The following UBQLN1 variants were observed in gnomAD, a reference collection of about 807,000 sequenced individuals.
UBQLN1 encodes the protein ubiquilin 1.
In UBQLN1, 13 loss-of-function variants were observed where a neutral mutation model predicts 65.4. The ratio of observed to expected loss-of-function variants is 0.20; its 90% CI spans 0.13 to 0.32. The LOEUF (loss-of-function observed/expected upper bound fraction) is 0.32, where lower values mean the gene tolerates loss of function less well. Among genes scored for constraint, UBQLN1 ranks in the 10% least tolerant of loss-of-function variants. The pLI is 1.00. For missense variants in UBQLN1, 561 were observed against 724.0 expected (o/e 0.77, Z 2.58); for synonymous variants, 267 against 247.8 (o/e 1.08, Z -0.73).
chr9:83,672,974 G>C (rs1564162144), intron 6 of UBQLN1, among the ~76,000 whole-genome samples: 1 of 152,364 alleles, frequency 6.6e-6, no homozygotes, highest in East Asian at 1.9e-4. Context: ...GTTCACACCT[G>C]TAATTCCAGC....
At chr9:83,683,154 T>C (rs749250206) in intron 2 of UBQLN1, 88 bp from the exon 3 acceptor site, 2 of 864,736 alleles carry the variant, frequency 2.3e-6, no homozygotes, top group Non-Finnish European at 3.6e-6. Context: ...GGCTCACGCC[T>C]GTAATCCCAG....
At chr9:83,701,496 A>T (rs530115678) in intron 1 of UBQLN1, among the ~76,000 whole-genome samples, 4 of 152,334 alleles carry the variant, frequency 2.6e-5, no homozygotes, top group South Asian at 2.1e-4. Context: ...GGACTCCCCA[A>T]ACCACAGTGA....
At chr9:83,697,733 C>CTTTTTTT (rs35319221) in intron 1 of UBQLN1, among the ~76,000 whole-genome samples, 5 of 98,352 alleles carry the variant, frequency 5.1e-5, no homozygotes, top group African/African-American at 1.3e-4. Context: ...TTTTTGTACC[C>CTTTTTTT]TTTTTTTTTT....
rs1216989570 is a variant in UBQLN1, at chr9:83,678,622, A to C, written c.712-23T>G. 1.9e-6 allele frequency: 3 copies of C among 1,584,430 alleles called. No homozygotes were observed. The African/African-American group carries it at 4.1e-5, about 22-fold the overall frequency. On this transcript the variant is annotated intron_variant, in intron 4 of 10. Coordinates refer to ENST00000376395, the MANE Select transcript of UBQLN1 (RefSeq NM_013438.5). Reference sequence around the variant, plus strand: ...CGTCTACGAAAAATATTTCCAAAAAAAGAAAAAAAAAAGGCATTGAAATAC... The same window carrying C: ...CGTCTACGAAAAATATTTCCAAAAACAGAAAAAAAAAAGGCATTGAAATAC...
At chr9:83,676,427 A>C (rs1482728906) in intron 6 of UBQLN1, among the ~76,000 whole-genome samples, 1 of 152,236 alleles carries the variant, frequency 6.6e-6, no homozygotes, top group East Asian at 1.9e-4. Context: ...CCAGTCAGGA[A>C]ATATGATTAA....
rs1320977702 is a variant in UBQLN1 at position 83,707,936 on chromosome 9, G to C, written c.-257C>G. The C allele has an allele frequency of 2.0e-6, 1 of 507,238 alleles. No homozygotes were observed. The highest frequency in any genetic ancestry group is 3.4e-6 in the Non-Finnish European group (1 of 294,976). 31.4% of individuals were successfully genotyped at this position (507,238 alleles called of 1,614,324 possible). A position where few individuals can be genotyped will look rare whatever the true frequency, so the allele number is the denominator to read the frequency against. On this transcript the variant is annotated 5_prime_UTR_variant, in exon 1 of 11. Coordinates refer to ENST00000376395, the MANE Select transcript of UBQLN1 (RefSeq NM_013438.5). ...CCGCTCGCTCACACCGACATCCGCA[G>C]CAGCCACCGCTTCCTCCTCCCTGCC...
chr9:83,678,667 C>T, intron 4 of UBQLN1, 68 bp from the exon 5 acceptor site: 1 of 1,461,972 alleles, frequency 6.8e-7, no homozygotes, highest in Non-Finnish European at 9.3e-7. Flanking sequence ...ACATTAATTA[C>T]TTTATTAACT....
At chr9:83,697,693 C>T (rs1028104631) in intron 1 of UBQLN1, among the ~76,000 whole-genome samples, 1 of 150,042 alleles carries the variant, frequency 6.7e-6, no homozygotes, top group African/African-American at 2.4e-5. Flanking sequence ...GTAGCTGGGA[C>T]TACAGGCATG....
chr9:83,688,314 G>A (rs1832072338), intron 1 of UBQLN1, among the ~76,000 whole-genome samples: 2 of 152,074 alleles, frequency 1.3e-5, no homozygotes, highest in Admixed American at 1.3e-4. Flanking sequence ...CCCTCACACT[G>A]ATACAGCTAA....
At chr9:83,673,482 T>C (rs1831769373) in intron 6 of UBQLN1, among the ~76,000 whole-genome samples, 2 of 145,322 alleles carry the variant, frequency 1.4e-5, no homozygotes, top group South Asian at 2.2e-4. Flanking sequence ...GAGGCAGAGG[T>C]TGCAGTGAGC....
chr9:83,702,141 G>C (rs1832319904), intron 1 of UBQLN1, among the ~76,000 whole-genome samples: 1 of 152,190 alleles, frequency 6.6e-6, no homozygotes, highest in Admixed American at 6.5e-5. Flanking sequence ...AGTTGCCTAA[G>C]GCTGGGGGGC....
intron 10 of UBQLN1, among the ~76,000 whole-genome samples, chr9:83,662,211 A>AT (rs944823402): frequency 2.0e-5 from 3 of 151,592 alleles, no homozygotes; most frequent in Admixed American, 2.0e-4. Flanking sequence ...ATCAACCATT[A>AT]TTTTAGAGGA....
chr9:83,705,726 AGATT>A (rs1832392227), intron 1 of UBQLN1, among the ~76,000 whole-genome samples: 1 of 152,242 alleles, frequency 6.6e-6, no homozygotes, highest in African/African-American at 2.4e-5. Context: ...AACAGTGAAT[AGATT>A]AATTATGGTA....
intron 1 of UBQLN1, among the ~76,000 whole-genome samples, chr9:83,699,227 A>G (rs1298539321): frequency 2.0e-5 from 3 of 152,230 alleles, no homozygotes; most frequent in Non-Finnish European, 4.4e-5. Context: ...GTGAACCCTT[A>G]AAAATGGTTA....
chr9:83,695,260 G>A (rs974119172), intron 1 of UBQLN1, among the ~76,000 whole-genome samples: 3 of 149,080 alleles, frequency 2.0e-5, no homozygotes, highest in East Asian at 2.0e-4. Flanking sequence ...GTACAGTGGC[G>A]CCATCTTGGC....
chr9:83,693,919 T>C (rs888780522), intron 1 of UBQLN1, among the ~76,000 whole-genome samples: 10 of 152,222 alleles, frequency 6.6e-5, no homozygotes, highest in South Asian at 4.1e-4. Context: ...GCAGGGCTGA[T>C]GGGAGAATTA....
rs902276109 is a variant in UBQLN1, at chr9:83,695,049, C to T, written c.181-8894G>A. On this transcript the variant is annotated intron_variant, in intron 1 of 10. Coordinates refer to ENST00000376395, the MANE Select transcript of UBQLN1 (RefSeq NM_013438.5). ...GACTACCAAGGTAACACAAGTAGAA[C>T]GAGTAAGATAAAGAAAATTGTGGGT... Among the ~76,000 whole-genome samples the T allele has an allele frequency of 3.2e-4, 49 of 151,196 alleles. 2 individuals carry two copies. The highest frequency in any genetic ancestry group is 2.4e-3 in the Admixed American group (36 of 15,188).
At chr9:83,702,148 G>C (rs966357161) in intron 1 of UBQLN1, among the ~76,000 whole-genome samples, 1 of 152,144 alleles carries the variant, frequency 6.6e-6, no homozygotes, top group Non-Finnish European at 1.5e-5. Context: ...TAAGGCTGGG[G>C]GGCCCAGGGA....
intron 1 of UBQLN1, among the ~76,000 whole-genome samples, chr9:83,702,203 G>A (rs1255884991): frequency 2.0e-5 from 3 of 151,914 alleles, no homozygotes; most frequent in Admixed American, 1.3e-4. Context: ...TCTTTTTGAG[G>A]GTTCTAAACG....
Sources: gnomAD v4.1 joint callset for allele counts (sites outside exome capture counted in the v4.1 genomes callset) on GRCh38, gnomAD v4.1.1 for gene constraint, MANE v1.5 for transcripts, NCBI Gene and HGNC (gene_info 2026-07-23, HGNC 2026-07-21) for gene names.